SYNE2: variants seen among roughly 807,000 people sequenced by gnomAD.
SYNE2 encodes nesprin-2.
Under a neutral mutation model 856.3 loss-of-function variants are expected in SYNE2, and 431 were observed. The observed-to-expected ratio is 0.50, with a 90% confidence interval of 0.47 to 0.55. SYNE2 has a LOEUF of 0.55. Ranked by LOEUF, SYNE2 falls within the 20% of genes least tolerant of loss-of-function variation. The probability of loss-of-function intolerance (pLI) is 0.00; values close to 1 mark genes in which losing one functional copy is unlikely to be tolerated. For missense variants in SYNE2, 8,129 were observed against 8,023.2 expected, an observed-to-expected ratio of 1.01 and a Z score of -0.50; for synonymous variants, 2,923 against 2,872.3, an observed-to-expected ratio of 1.02 and a Z score of -0.56.
At chr14:63,997,742 A>T (rs1484830901) in intron 25 of SYNE2, among the ~76,000 whole-genome samples, 1 of 152,194 alleles carries the variant, frequency 6.6e-6, no homozygotes, top group Non-Finnish European at 1.5e-5. Context: ...GAACAAGTTC[A>T]TTTATCATTT....
intron 112 of SYNE2, among the ~76,000 whole-genome samples, chr14:64,222,829 T>C (rs1035278787): frequency 6.6e-6 from 1 of 152,218 alleles, no homozygotes; most frequent in Admixed American, 6.5e-5. Context: ...TGAACCTCTA[T>C]GGTTACGCTG....
At chr14:64,035,222 A>C (rs758188303) in intron 45 of SYNE2, among the ~76,000 whole-genome samples, 6 of 152,138 alleles carry the variant, frequency 3.9e-5, no homozygotes, top group Non-Finnish European at 8.8e-5. Flanking sequence ...GCAAAGCTCT[A>C]GCTGTGGGTG....
chr14:64,119,749 T>G, intron 67 of SYNE2, 140 bp downstream of exon 67: 1 of 803,880 alleles, frequency 1.2e-6, no homozygotes, highest in Non-Finnish European at 2.0e-6. Flanking sequence ...ATTAACACCA[T>G]AGATGAGTAC....
intron 87 of SYNE2, among the ~76,000 whole-genome samples, chr14:64,161,214 G>C (rs1285953599): frequency 2.6e-5 from 4 of 151,924 alleles, no homozygotes; most frequent in African/African-American, 9.7e-5. Context: ...GTGGTGGCAT[G>C]CACCTGTGGT....
chr14:64,133,047 A>C (rs2098040190), intron 77 of SYNE2, among the ~76,000 whole-genome samples: 1 of 97,526 alleles, frequency 1.0e-5, no homozygotes, highest in Non-Finnish European at 1.9e-5. Flanking sequence ...CTAAAAATAC[A>C]AAAAAAAAAT....
chr14:63,762,635 T>C (rs564962892), intron 1 of SYNE2, among the ~76,000 whole-genome samples: 1 of 151,246 alleles, frequency 6.6e-6, no homozygotes, highest in African/African-American at 2.4e-5. Flanking sequence ...AGGGTGTTGC[T>C]ATGTTTCCCA....
At chr14:63,995,976 CA>C (rs1425730265) in intron 23 of SYNE2, among the ~76,000 whole-genome samples, 1 of 152,160 alleles carries the variant, frequency 6.6e-6, no homozygotes, top group Non-Finnish European at 1.5e-5. Flanking sequence ...GCCTTCTCTG[CA>C]ATGATAGTGC....
At chr14:63,887,747 T>C (rs2095030466) in intron 1 of SYNE2, among the ~76,000 whole-genome samples, 1 of 145,546 alleles carries the variant, frequency 6.9e-6, no homozygotes, top group Non-Finnish European at 1.5e-5. Context: ...CTGTGAGTCC[T>C]GCTTTTTTTT....
intron 84 of SYNE2, among the ~76,000 whole-genome samples, chr14:64,147,944 T>C (rs960573760): frequency 6.6e-6 from 1 of 152,188 alleles, no homozygotes; most frequent in African/African-American, 2.4e-5. Flanking sequence ...TACGGTAGTT[T>C]AGCCAATCCA....
chr14:64,113,506 G>C lies in SYNE2; in HGVS notation c.12775G>C (p.Val4259Leu), dbSNP rs1464135559. 6 of 1,614,102 alleles carry C rather than the reference G, an allele frequency of 3.7e-6. No homozygotes were observed. In the East Asian group the frequency reaches 8.9e-5, roughly 24 times the overall value. ...GTGGCTGCAACAAGCCAACGTGGCAGTTGAGCCGGAAACATTAAACGCAGA... is the reference window on the plus strand; with the variant it reads ...GTGGCTGCAACAAGCCAACGTGGCACTTGAGCCGGAAACATTAAACGCAGA... ...ELWLQQANVA[V>L]EPETLNADMQ... Residue 4259 changes from valine (V) to leucine (L), a missense_variant, in exon 66 of 116, where the codon GTT (valine) becomes CTT (leucine). Val to Leu is a conservative substitution (Grantham distance 32, BLOSUM62 1). Around this residue, in one of 3 missense-constraint regions of SYNE2, gnomAD observed 5,410 missense variants for 5,284.8 expected, o/e 1.02. Coordinates refer to ENST00000555002, the MANE Select transcript of SYNE2 (RefSeq NM_182914.3).
At chr14:63,961,400 G>T (rs570551215) in intron 8 of SYNE2, 125 bp from the exon 9 acceptor site, 13 of 764,842 alleles carry the variant, frequency 1.7e-5, no homozygotes, top group African/African-American at 1.5e-4. Context: ...GGATGGCTGG[G>T]TGACTACTTT....
At chr14:64,215,191 C>G (rs942812492) in intron 106 of SYNE2, 95 bp from the exon 107 acceptor site, 2 of 1,171,136 alleles carry the variant, frequency 1.7e-6, no homozygotes, top group African/African-American at 3.0e-5. Flanking sequence ...GGGTAGTTTT[C>G]TCCTTCCAGC....
chr14:63,940,944 G>C (rs2095905974), intron 3 of SYNE2, among the ~76,000 whole-genome samples: 1 of 152,192 alleles, frequency 6.6e-6, no homozygotes, highest in African/African-American at 2.4e-5. Flanking sequence ...CTTTCATCAA[G>C]TGAAGTAATA....
At chr14:64,189,465 C>A (rs545390502) in intron 98 of SYNE2, among the ~76,000 whole-genome samples, 15 of 152,288 alleles carry the variant, frequency 9.8e-5, no homozygotes, top group African/African-American at 3.1e-4. Context: ...TAAAACACCA[C>A]CCAGTCAAAC....
intron 57 of SYNE2, 69 bp downstream of exon 57, chr14:64,081,649 C>CT: frequency 6.4e-7 from 1 of 1,562,884 alleles, no homozygotes; most frequent in East Asian, 2.2e-5. Context: ...AGCTGATTGT[C>CT]TTGGTGCTTT....
At chr14:63,808,001 C>A (rs1888446573) in intron 1 of SYNE2, among the ~76,000 whole-genome samples, 1 of 114,832 alleles carries the variant, frequency 8.7e-6, no homozygotes, top group Non-Finnish European at 1.8e-5. Context: ...TCCCTCACCC[C>A]CATCCCACCC....
chr14:63,997,503 A>G, intron 25 of SYNE2, 112 bp downstream of exon 25: 1 of 934,192 alleles, frequency 1.1e-6, no homozygotes, highest in Admixed American at 2.0e-5. Flanking sequence ...GATTGTTTTT[A>G]TCAATGGAGA....
At chr14:63,881,133 C>A (rs886176561) in intron 1 of SYNE2, among the ~76,000 whole-genome samples, 1 of 151,510 alleles carries the variant, frequency 6.6e-6, no homozygotes, top group Non-Finnish European at 1.5e-5. Context: ...CAGGTGTGAG[C>A]CACTGTGCCC....
Position 64,053,488 on chromosome 14 carries a change from G to A in SYNE2, c.9575G>A (p.Cys3192Tyr). ...CATATTCAAAATGAAAAGGACAATT[G>A]TGAAGCATTTCAGGAGCAAGTTTGG... ...IKHIQNEKDN[C>Y]EAFQEQVWAE... Residue 3192 changes from cysteine (C) to tyrosine (Y), a missense_variant, in exon 48 of 116, where the codon TGT becomes TAT. Cys to Tyr is a radical substitution (Grantham distance 194). This residue lies in a region of SYNE2 where 5,410 missense variants were observed against 5,284.8 expected (regional missense o/e 1.02). Transcript: ENST00000555002. 2 of 1,614,192 alleles carry A rather than the reference G, an allele frequency of 1.2e-6. No homozygotes were observed. The highest frequency in any genetic ancestry group is 2.2e-5 in the South Asian group (2 of 91,074).
Sources: allele counts gnomAD v4.1 joint callset (sites outside exome capture counted in the v4.1 genomes callset), GRCh38; gene constraint gnomAD v4.1.1; regional missense constraint gnomAD v4.1.1; transcripts MANE v1.5; gene names NCBI Gene and HGNC (gene_info 2026-07-23, HGNC 2026-07-21).